The following TRHDE variants were observed in gnomAD, a reference collection of about 807,000 sequenced individuals.
The protein encoded by TRHDE is thyrotropin releasing hormone degrading enzyme.
A neutral mutation model predicts 125.7 loss-of-function variants in TRHDE; 72 were observed. That is an observed-to-expected ratio of 0.57 (90% CI 0.47 to 0.70). The LOEUF is 0.70. TRHDE is among the 30% of genes least tolerant of loss of function. The probability of loss-of-function intolerance (pLI) is 0.00; values close to 1 mark genes in which losing one functional copy is unlikely to be tolerated. For missense variants in TRHDE, 1,110 were observed against 1,327.1 expected (o/e 0.84, Z 2.54); for synonymous variants, 509 against 509.1 (o/e 1.00, Z 0.00).
intron 1 of TRHDE, among the ~76,000 whole-genome samples, chr12:72,096,754 A>G (rs1189126504): frequency 2.0e-5 from 3 of 152,192 alleles, no homozygotes; most frequent in South Asian, 2.1e-4. Context: ...TTGCTTATGT[A>G]ACAAAAAAGC....
At chr12:72,399,147 A>C (rs1009762293) in intron 3 of TRHDE, among the ~76,000 whole-genome samples, 2 of 152,222 alleles carry the variant, frequency 1.3e-5, no homozygotes, top group African/African-American at 4.8e-5. Context: ...GAGATGAAAT[A>C]GTTTCATCCT....
At chr12:72,263,500 T>C (rs937859279) in intron 2 of TRHDE, 1 of 152,088 alleles carries the variant, frequency 6.6e-6, no homozygotes, top group Non-Finnish European at 1.5e-5. Flanking sequence ...GATTATAGAT[T>C]AAATGTTACC....
chr12:72,637,518 A>G (rs1275204333), intron 15 of TRHDE, among the ~76,000 whole-genome samples: 3 of 151,420 alleles, frequency 2.0e-5, no homozygotes, highest in Non-Finnish European at 2.9e-5. Flanking sequence ...TTCTGCTCTG[A>G]TTTTAGTTAT....
chr12:72,211,327 T>G (rs1165078728), intron 2 of TRHDE, among the ~76,000 whole-genome samples: 1 of 152,172 alleles, frequency 6.6e-6, no homozygotes, highest in African/African-American at 2.4e-5. Flanking sequence ...ACTTTGTATG[T>G]AACAGATGGA....
intron 12 of TRHDE, among the ~76,000 whole-genome samples, chr12:72,613,623 CAGTG>C (rs1321440677): frequency 6.6e-6 from 1 of 152,036 alleles, no homozygotes; most frequent in South Asian, 2.1e-4. Context: ...GAGTTAAGGC[CAGTG>C]AGTTAGATAA....
intron 5 of TRHDE, among the ~76,000 whole-genome samples, chr12:72,490,756 T>TAA (rs538829137): frequency 0.028 from 3,247 of 116,184 alleles, 58 homozygotes; most frequent in Middle Eastern, 0.04. Context: ...GTGGAATCTG[T>TAA]AAAAAAAAAA....
chr12:72,430,308 T>C (rs11179200), intron 3 of TRHDE, among the ~76,000 whole-genome samples: 5 of 144,416 alleles, frequency 3.5e-5, no homozygotes, highest in East Asian at 2.0e-4. Flanking sequence ...TGTATATATA[T>C]GTATATATAC....
chr12:72,622,239 TG>T (rs2136079557), intron 15 of TRHDE, among the ~76,000 whole-genome samples: 1 of 152,216 alleles, frequency 6.6e-6, no homozygotes, highest in South Asian at 2.1e-4. Flanking sequence ...ACCTTAAACT[TG>T]TATCTTATCT....
At chr12:72,356,854 A>C (rs776995865) in intron 2 of TRHDE, among the ~76,000 whole-genome samples, 6 of 151,542 alleles carry the variant, frequency 4.0e-5, no homozygotes, top group Non-Finnish European at 7.4e-5. Context: ...TCCAAGCACA[A>C]AGAGAAAACT....
rs140244111 is a variant in TRHDE, at chr12:72,292,476, G to C, written c.1188+5522G>C. The stretch of plus-strand genomic sequence containing the variant: ...TTCTCTTTTATAATTTTCATGGCCA[G>C]TGAGAAGAAGCCAGGTGGCACTTTG... On this transcript the variant is annotated intron_variant, in intron 2 of 18. Coordinates refer to ENST00000261180, the MANE Select transcript of TRHDE (RefSeq NM_013381.3). Among the ~76,000 whole-genome samples the C allele has an allele frequency of 7.9e-3, 1,210 of 152,310 alleles. 11 individuals carry two copies. Among genetic ancestry groups the C allele is most frequent in the African/African-American group, 0.028 (1,155 of 41,570 alleles).
In TRHDE at chr12:72,569,262, A is replaced by C. The variant is rs150653782; in HGVS notation, c.2131+606A>C. Among the ~76,000 whole-genome samples, 836 of 152,298 alleles carry C rather than the reference A, an allele frequency of 5.5e-3. 11 individuals are homozygous for C. Among genetic ancestry groups the C allele is most frequent in the African/African-American group, 0.018 (761 of 41,564 alleles). ...GTCAGAAAGCTATTTCTTGAATCCA[A>C]ACTATAGCCTTCATTCTACAGTGTG... is the stretch of plus-strand genomic sequence containing the variant. On this transcript the variant is annotated intron_variant, in intron 10 of 18. Coordinates refer to ENST00000261180, the MANE Select transcript of TRHDE (RefSeq NM_013381.3).
intron 3 of TRHDE, among the ~76,000 whole-genome samples, chr12:72,383,262 ATTG>A (rs1330488211): frequency 6.6e-6 from 1 of 152,024 alleles, no homozygotes; most frequent in East Asian, 1.9e-4. Flanking sequence ...CATATAAAGA[ATTG>A]TTATCTTTTT....
intron 14 of TRHDE, 106 bp downstream of exon 14, chr12:72,621,311 C>A: frequency 1.3e-6 from 1 of 755,388 alleles, no homozygotes; most frequent in Non-Finnish European, 2.2e-6. Flanking sequence ...TCCTTTCATT[C>A]TTCATCTTAC....
At chr12:72,658,380 T>C (rs984886513) in intron 18 of TRHDE, among the ~76,000 whole-genome samples, 3 of 152,180 alleles carry the variant, frequency 2.0e-5, no homozygotes, top group African/African-American at 7.2e-5. Flanking sequence ...TGTGCAGCCA[T>C]TGAAGTGAGC....
chr12:72,380,874 T>TTC (rs1203543282), intron 3 of TRHDE, among the ~76,000 whole-genome samples: 40 of 141,970 alleles, frequency 2.8e-4, no homozygotes, highest in African/African-American at 1.0e-3. Context: ...TCTCTCTCTC[T>TTC]CTTCTTTCTT....
intron 3 of TRHDE, among the ~76,000 whole-genome samples, chr12:72,405,002 G>C (rs1873206291): frequency 6.6e-6 from 1 of 152,182 alleles, no homozygotes; most frequent in African/African-American, 2.4e-5. Flanking sequence ...ATTCTTGAAG[G>C]AGATTGTAAT....
chr12:72,570,209 G>A (rs925373663), intron 10 of TRHDE, among the ~76,000 whole-genome samples: 2 of 152,076 alleles, frequency 1.3e-5, no homozygotes, highest in East Asian at 1.9e-4. Context: ...ATACCTTTCC[G>A]GGTCCATTTC....
chr12:72,583,360 G>C (rs1210549983), intron 12 of TRHDE, among the ~76,000 whole-genome samples: 1 of 152,082 alleles, frequency 6.6e-6, no homozygotes. Context: ...ACAGTGAATC[G>C]TTCCAGGAGC....
intron 12 of TRHDE, among the ~76,000 whole-genome samples, chr12:72,602,172 C>CTG (rs761883859): frequency 1.3e-5 from 2 of 152,002 alleles, no homozygotes; most frequent in Non-Finnish European, 2.9e-5. Flanking sequence ...TTCTATTTCC[C>CTG]TGATTTCCCA....
Sources: allele counts gnomAD v4.1 joint callset (sites outside exome capture counted in the v4.1 genomes callset), GRCh38; gene constraint gnomAD v4.1.1; transcripts MANE v1.5; gene names NCBI Gene and HGNC (gene_info 2026-07-23, HGNC 2026-07-21).